Variants in PHLPP2 observed in about 807,000 individuals in gnomAD.
PHLPP2 encodes the protein PH domain and leucine rich repeat protein phosphatase 2.
A neutral mutation model predicts 124.9 loss-of-function variants in PHLPP2; 66 were observed. The observed-to-expected ratio is 0.53, with a 90% confidence interval of 0.43 to 0.65. PHLPP2 has a LOEUF of 0.65. PHLPP2 is among the 30% of genes least tolerant of loss of function. PHLPP2 has a pLI of 0.00. For missense variants in PHLPP2, 1,685 were observed against 1,600.4 expected (o/e 1.05, Z -0.90); for synonymous variants, 681 against 624.7 (o/e 1.09, Z -1.34).
At chr16:71,707,600 T>C (rs571563095) in intron 2 of PHLPP2, among the ~76,000 whole-genome samples, 24 of 152,212 alleles carry the variant, frequency 1.6e-4, no homozygotes, top group South Asian at 6.2e-4. Flanking sequence ...AATAAAAACA[T>C]TGTACTGAAC....
At chr16:71,660,159 T>C (rs1275962237) in intron 13 of PHLPP2, among the ~76,000 whole-genome samples, 1 of 151,944 alleles carries the variant, frequency 6.6e-6, no homozygotes, top group African/African-American at 2.4e-5. Context: ...AACATTTTAG[T>C]AGATAGTATT....
chr16:71,708,823 A>G (rs2045303999), intron 2 of PHLPP2, among the ~76,000 whole-genome samples: 1 of 151,844 alleles, frequency 6.6e-6, no homozygotes, highest in African/African-American at 2.4e-5. Flanking sequence ...CAGATGCAGC[A>G]GCGTGCCCCT....
chr16:71,655,366 T>C lies in PHLPP2; in HGVS notation c.2459A>G (p.Asp820Gly). The change falls in exon 17 of 19, where the codon GAT becomes GGT. Residue 820 changes from aspartate to glycine, a missense_variant. By Grantham distance (94) the Asp-to-Gly change is moderately conservative. Transcript: ENST00000568954. ...CGGGAGCTCCTCATTTCGGTCTCCA[T>C]CAAACATGCCATACACAGCTCCCAC... ...EGVGAVYGMF[D>G]GDRNEELPRL... is the part of the protein sequence containing the mutation. 1.9e-6 allele frequency: 3 copies of C among 1,614,002 alleles called. No homozygotes were observed. Among genetic ancestry groups the C allele is most frequent in the Non-Finnish European group, 2.5e-6 (3 of 1,179,904 alleles).
chr16:71,677,396 T>C (rs1037320850), intron 8 of PHLPP2: 6 of 150,722 alleles, frequency 4.0e-5, no homozygotes, highest in Non-Finnish European at 8.9e-5. Context: ...GCCTGCTCTA[T>C]CTCTAGAGCT....
chr16:71,704,112 G>C (rs2045255699), intron 2 of PHLPP2, among the ~76,000 whole-genome samples: 1 of 151,874 alleles, frequency 6.6e-6, no homozygotes, highest in African/African-American at 2.4e-5. Flanking sequence ...CACGAGGTCA[G>C]GAGATGGCTA....
At chr16:71,716,618 C>A (rs1287645160) in intron 1 of PHLPP2, among the ~76,000 whole-genome samples, 3 of 152,142 alleles carry the variant, frequency 2.0e-5, no homozygotes, top group African/African-American at 7.2e-5. Flanking sequence ...TTCCCTACTA[C>A]TGCCCTTTAC....
At chr16:71,678,555 G>A (rs2044968309) in intron 8 of PHLPP2, 200 bp downstream of exon 8, 10 of 531,690 alleles carry the variant, frequency 1.9e-5, no homozygotes, top group South Asian at 1.2e-4. Flanking sequence ...TGGGAGAATC[G>A]CCTGAGAACG....
chr16:71,692,772 T>A (rs1282764248), intron 3 of PHLPP2, among the ~76,000 whole-genome samples: 2 of 152,214 alleles, frequency 1.3e-5, no homozygotes, highest in Non-Finnish European at 2.9e-5. Flanking sequence ...TTATAATATC[T>A]AAAACAATGT....
At chr16:71,657,835 G>A (rs2044755116) in intron 15 of PHLPP2, among the ~76,000 whole-genome samples, 1 of 152,218 alleles carries the variant, frequency 6.6e-6, no homozygotes. Flanking sequence ...AGGGGTAGGA[G>A]TTTCAATAAA....
chr16:71,723,643 G>A, intron 1 of PHLPP2: 3 of 390,806 alleles, frequency 7.7e-6, no homozygotes, highest in Admixed American at 5.0e-5. Flanking sequence ...CCGGGCGGGG[G>A]CCGCCGACTG....
chr16:71,724,039 C>A lies in PHLPP2; in HGVS notation c.-7+290G>T, dbSNP rs182677657. ...CCCGCTGGACCTAAGCAGCTGCCGGCGCCGAGTGGCCCGGGCGCCACCGAG... is the reference window on the plus strand; with the variant it reads ...CCCGCTGGACCTAAGCAGCTGCCGGAGCCGAGTGGCCCGGGCGCCACCGAG... On this transcript the variant is annotated intron_variant, in intron 1 of 18. Transcript: ENST00000568954. 5.9e-3 allele frequency: 1,031 copies of A among 173,536 alleles called. 15 individuals are homozygous for A. Among genetic ancestry groups the A allele is most frequent in the African/African-American group, 0.022 (904 of 41,934 alleles). The allele number at this position is 173,536 out of a possible 1,614,324, so 10.7% of individuals were successfully genotyped here. A position where few individuals can be genotyped will look rare whatever the true frequency, so the allele number is the denominator to read the frequency against.
intron 10 of PHLPP2, 115 bp from the exon 11 acceptor site, chr16:71,669,485 T>A: frequency 4.3e-6 from 3 of 690,416 alleles, no homozygotes; most frequent in Non-Finnish European, 7.5e-6. Flanking sequence ...AGGAACACTG[T>A]CTCCAAGGCA....
intron 2 of PHLPP2, among the ~76,000 whole-genome samples, 176 bp downstream of exon 2, chr16:71,714,336 T>C (rs2045343299): frequency 6.6e-6 from 1 of 152,238 alleles, no homozygotes; most frequent in Admixed American, 6.5e-5. Context: ...CCTTGGTCAA[T>C]AGTTTTTAAA....
intron 4 of PHLPP2, among the ~76,000 whole-genome samples, chr16:71,687,621 T>C (rs1302750973): frequency 6.6e-6 from 1 of 152,154 alleles, no homozygotes; most frequent in Non-Finnish European, 1.5e-5. Context: ...TTACAAAGTC[T>C]TCTATATTCT....
chr16:71,719,964 AT>A (rs756642820), intron 1 of PHLPP2, among the ~76,000 whole-genome samples: 60 of 53,248 alleles, frequency 1.1e-3, no homozygotes, highest in East Asian at 3.4e-3. Flanking sequence ...TGCCCAGCTA[AT>A]TTTTTTTTTT....
chr16:71,708,629 T>C (rs540357206), intron 2 of PHLPP2, among the ~76,000 whole-genome samples: 203 of 152,176 alleles, frequency 1.3e-3, no homozygotes, highest in African/African-American at 4.2e-3. Context: ...CTACTAAAAA[T>C]ACAAAAATTA....
At position 71,652,962 on chromosome 16, in the gene PHLPP2, G is replaced by A; in HGVS notation, c.2645C>T (p.Pro882Leu). ...GCTACTTGCTGGATCGGCAGTGTCAGGGCGGATGTAGCACAGGAGAGCGGA... is the reference window on the plus strand; with the variant it reads ...GCTACTTGCTGGATCGGCAGTGTCAAGGCGGATGTAGCACAGGAGAGCGGA... ...GSSALLCYIR[P>L]DTADPASSFS... The change falls in exon 18 of 19, where the codon CCT (proline) becomes CTT (leucine). Residue 882 changes from proline (P) to leucine (L), a missense_variant. Transcript: ENST00000568954. 6.2e-7 allele frequency: 1 copy of A among 1,614,030 alleles called. No individual in the cohort carries two copies. Among genetic ancestry groups the A allele is most frequent in the Non-Finnish European group, 8.5e-7 (1 of 1,180,026 alleles).
chr16:71,689,037 G>A (rs894273946), intron 4 of PHLPP2, among the ~76,000 whole-genome samples: 6 of 152,156 alleles, frequency 3.9e-5, no homozygotes, highest in East Asian at 3.9e-4. Context: ...GCATTAGGCC[G>A]TAAGACTAAC....
Position 71,648,943 on chromosome 16 carries a change from G to T in PHLPP2, c.3919C>A (p.Pro1307Thr). The T allele has an allele frequency of 6.2e-7, 1 of 1,613,528 alleles. No individual in the cohort carries two copies. Among genetic ancestry groups the T allele is most frequent in the East Asian group, 2.2e-5 (1 of 44,872 alleles). Residue 1307 changes from proline (P) to threonine (T), a missense_variant, in exon 19 of 19, where the codon CCC (proline) becomes ACC (threonine). Coordinates refer to ENST00000568954, the MANE Select transcript of PHLPP2 (RefSeq NM_015020.3). The part of the protein sequence containing the change: ...QHQDSRLEPE[P>T]HEEDRTEPPE... ...GGCTCGGTCCGATCCTCTTCATGGG[G>T]CTCAGGCTCGAGCCGGCTGTCCTGG... is the stretch of plus-strand genomic sequence containing the variant.
Sources: gnomAD v4.1 joint callset for allele counts (sites outside exome capture counted in the v4.1 genomes callset) on GRCh38, gnomAD v4.1.1 for gene constraint, MANE v1.5 for transcripts, NCBI Gene and HGNC (gene_info 2026-07-23, HGNC 2026-07-21) for gene names.